Variants in FCHSD2 observed in about 807,000 individuals in gnomAD.
FCHSD2 encodes FCH and double SH3 domains 2.
A neutral mutation model predicts 108.1 loss-of-function variants in FCHSD2; 38 were observed. The observed-to-expected ratio is 0.35, with a 90% CI of 0.27 to 0.46. FCHSD2 has a LOEUF of 0.46. Ranked by LOEUF, FCHSD2 falls within the 20% of genes least tolerant of loss-of-function variation. The pLI is 1.00. For missense variants in FCHSD2, 751 were observed against 897.8 expected (o/e 0.84, Z 2.09); for synonymous variants, 279 against 314.7 (o/e 0.89, Z 1.20).
intron 2 of FCHSD2, among the ~76,000 whole-genome samples, chr11:73,119,438 G>T (rs1279813952): frequency 1.3e-5 from 2 of 152,018 alleles, no homozygotes; most frequent in African/African-American, 4.8e-5. Context: ...CTTCAGAGAG[G>T]TGTGTTAAAA....
At chr11:72,892,386 A>C (rs1244151838) in intron 10 of FCHSD2, among the ~76,000 whole-genome samples, 1 of 152,216 alleles carries the variant, frequency 6.6e-6, no homozygotes, top group East Asian at 1.9e-4. Flanking sequence ...CTAAAACTCA[A>C]ATTAATTTAT....
At chr11:72,927,385 T>C (rs1167425625) in intron 8 of FCHSD2, among the ~76,000 whole-genome samples, 1 of 152,108 alleles carries the variant, frequency 6.6e-6, no homozygotes, top group Non-Finnish European at 1.5e-5. Flanking sequence ...AAACTGTGAA[T>C]TTGGGGTGAT....
intron 2 of FCHSD2, among the ~76,000 whole-genome samples, chr11:73,098,801 T>C (rs1479080014): frequency 6.6e-6 from 1 of 152,178 alleles, no homozygotes; most frequent in Non-Finnish European, 1.5e-5. Context: ...GCTAAAACTA[T>C]AAAACTCTTA....
chr11:73,121,631 C>T (rs1591571341), intron 2 of FCHSD2, among the ~76,000 whole-genome samples: 7 of 146,708 alleles, frequency 4.8e-5, no homozygotes, highest in Admixed American at 4.8e-4. Flanking sequence ...AAAGTCTTAA[C>T]AAAGAATCAG....
intron 3 of FCHSD2, among the ~76,000 whole-genome samples, chr11:73,067,108 G>C (rs1473831011): frequency 6.6e-6 from 1 of 152,144 alleles, no homozygotes; most frequent in East Asian, 1.9e-4. Context: ...TTATAGACTG[G>C]ATAAAGAAAA....
At chr11:72,912,614 G>T (rs1445455473) in intron 9 of FCHSD2, among the ~76,000 whole-genome samples, 1 of 152,124 alleles carries the variant, frequency 6.6e-6, no homozygotes, top group Non-Finnish European at 1.5e-5. Context: ...TCTGATTTTG[G>T]TATCAGGGTA....
chr11:73,112,332 G>A (rs1368927171), intron 2 of FCHSD2, among the ~76,000 whole-genome samples: 1 of 152,152 alleles, frequency 6.6e-6, no homozygotes, highest in Non-Finnish European at 1.5e-5. Flanking sequence ...TGGTCTGTAA[G>A]GTTTCCACAG....
At chr11:73,027,590 G>C (rs1858258049) in intron 3 of FCHSD2, among the ~76,000 whole-genome samples, 1 of 152,244 alleles carries the variant, frequency 6.6e-6, no homozygotes, top group African/African-American at 2.4e-5. Flanking sequence ...CCAATTTTCT[G>C]AAGAGAAATT....
chr11:73,100,196 CCTT>C lies in FCHSD2; in HGVS notation c.120-16459_120-16457del, dbSNP rs147446351. On this transcript the variant is annotated intron_variant, in intron 2 of 19. Transcript: ENST00000409418. Reference sequence around the variant, plus strand: ...CACCCTCTGTTTCAGAATCCCACCTCCTTGTCACCAAAATGTACCAAGGACCAT... The same window carrying C: ...CACCCTCTGTTTCAGAATCCCACCTCGTCACCAAAATGTACCAAGGACCAT... Among the ~76,000 whole-genome samples, 58 of 152,290 alleles carry C rather than the reference CCTT, an allele frequency of 3.8e-4. 1 individual carries two copies. In the East Asian group the frequency reaches 9.8e-3, roughly 26 times the overall value.
intron 2 of FCHSD2, among the ~76,000 whole-genome samples, chr11:73,120,626 G>C (rs1213274018): frequency 6.6e-6 from 1 of 152,058 alleles, no homozygotes; most frequent in African/African-American, 2.4e-5. Context: ...CTACTCAGGA[G>C]GCTGAGGCTG....
intron 13 of FCHSD2, among the ~76,000 whole-genome samples, chr11:72,860,052 C>T (rs1230346093): frequency 3.3e-5 from 5 of 152,192 alleles, no homozygotes; most frequent in African/African-American, 1.2e-4. Context: ...ATTAGATTCT[C>T]ATAAGGAGGG....
chr11:72,856,669 C>G (rs955011651), intron 13 of FCHSD2, among the ~76,000 whole-genome samples: 1 of 152,166 alleles, frequency 6.6e-6, no homozygotes, highest in African/African-American at 2.4e-5. Flanking sequence ...AAATCCTGTG[C>G]TATCTCTTAC....
intron 11 of FCHSD2, among the ~76,000 whole-genome samples, chr11:72,889,626 C>T (rs1019893550): frequency 6.6e-6 from 1 of 152,118 alleles, no homozygotes; most frequent in East Asian, 1.9e-4. Context: ...AGTGGGAGAA[C>T]TGCTTCAGCC....
At chr11:73,026,031 T>C (rs1432303849) in intron 3 of FCHSD2, among the ~76,000 whole-genome samples, 1 of 152,086 alleles carries the variant, frequency 6.6e-6, no homozygotes, top group Non-Finnish European at 1.5e-5. Context: ...TATGTATGTA[T>C]GTATGTATTT....
intron 2 of FCHSD2, among the ~76,000 whole-genome samples, chr11:73,101,402 AG>A (rs1358174704): frequency 2.0e-5 from 3 of 152,094 alleles, no homozygotes; most frequent in Non-Finnish European, 4.4e-5. Flanking sequence ...GGAACTACTG[AG>A]GGAGGTAAAG....
At chr11:73,136,559 T>A (rs1861125160) in intron 2 of FCHSD2, among the ~76,000 whole-genome samples, 2 of 151,648 alleles carry the variant, frequency 1.3e-5, no homozygotes, top group South Asian at 2.1e-4. Context: ...TTAATAATAA[T>A]AAAAAAAATT....
At chr11:73,069,564 T>C (rs1591529656) in intron 3 of FCHSD2, among the ~76,000 whole-genome samples, 1 of 151,962 alleles carries the variant, frequency 6.6e-6, no homozygotes, top group South Asian at 2.1e-4. Flanking sequence ...AATAGACAAT[T>C]GGTGAGTTGG....
At chr11:72,872,501 A>C (rs576296226) in intron 12 of FCHSD2, among the ~76,000 whole-genome samples, 1 of 152,186 alleles carries the variant, frequency 6.6e-6, no homozygotes, top group East Asian at 1.9e-4. Flanking sequence ...CTGTCTATAA[A>C]GATTTGCCTA....
At chr11:73,020,775 C>A (rs1238953916) in intron 3 of FCHSD2, among the ~76,000 whole-genome samples, 1 of 151,714 alleles carries the variant, frequency 6.6e-6, no homozygotes, top group African/African-American at 2.4e-5. Context: ...ATAATATGTT[C>A]TATATATTAA....
Sources: allele counts gnomAD v4.1 joint callset (sites outside exome capture counted in the v4.1 genomes callset), GRCh38; gene constraint gnomAD v4.1.1; transcripts MANE v1.5; gene names NCBI Gene and HGNC (gene_info 2026-07-23, HGNC 2026-07-21).